Variants in SH3RF3 observed in about 807,000 individuals in gnomAD.
The protein encoded by SH3RF3 is SH3 domain containing ring finger 3, also known as E3 ubiquitin-protein ligase SH3RF3.
SH3RF3 carries 29 observed loss-of-function variants against 66.3 expected under a neutral mutation model. The ratio of observed to expected loss-of-function variants is 0.44; its 90% CI spans 0.33 to 0.60. The LOEUF is 0.60. Ranked by LOEUF, SH3RF3 falls within the 20% of genes least tolerant of loss-of-function variation. The probability of loss-of-function intolerance (pLI) is 0.04; values close to 1 mark genes in which losing one functional copy is unlikely to be tolerated. For missense variants in SH3RF3, 1,194 were observed against 1,190.9 expected (o/e 1.00, Z -0.04); for synonymous variants, 583 against 532.0 (o/e 1.10, Z -1.32).
intron 1 of SH3RF3, among the ~76,000 whole-genome samples, chr2:109,268,857 T>G (rs374981871): frequency 1.1e-4 from 16 of 152,348 alleles, no homozygotes; most frequent in Admixed American, 2.6e-4. Flanking sequence ...GTTGGGTGTA[T>G]TCAATGAATT....
chr2:109,368,298 G>A (rs905669430), intron 2 of SH3RF3, among the ~76,000 whole-genome samples: 1 of 152,022 alleles, frequency 6.6e-6, no homozygotes, highest in African/African-American at 2.4e-5. Flanking sequence ...TTTTGCTGTA[G>A]CCAAATCTTT....
Position 109,474,554 on chromosome 2 carries a change from C to G in SH3RF3, c.2149-16051C>G, listed in dbSNP as rs116765164. Among the ~76,000 whole-genome samples, 1,201 of 152,294 alleles carry G rather than the reference C, an allele frequency of 7.9e-3. 11 individuals are homozygous for G. Among genetic ancestry groups the G allele is most frequent in the Non-Finnish European group, 0.01 (682 of 68,006 alleles). On this transcript the variant is annotated intron_variant, in intron 8 of 9. Coordinates refer to ENST00000309415, the MANE Select transcript of SH3RF3 (RefSeq NM_001099289.3). ...GGCTGGGATTACAGTCCGAACCGCA[C>G]GGGGCTTATAGCCATGGGCACAGTG...
At chr2:109,465,701 C>T (rs895335898) in intron 8 of SH3RF3, among the ~76,000 whole-genome samples, 1 of 152,156 alleles carries the variant, frequency 6.6e-6, no homozygotes, top group Non-Finnish European at 1.5e-5. Flanking sequence ...GCTTTTACTT[C>T]TGGGGAGACC....
chr2:109,245,050 C>G (rs573054434), intron 1 of SH3RF3, among the ~76,000 whole-genome samples: 6 of 152,262 alleles, frequency 3.9e-5, no homozygotes, highest in Non-Finnish European at 7.3e-5. Flanking sequence ...GTCCTGTTGT[C>G]TGGGCAGCCT....
At chr2:109,326,846 G>A (rs549488905) in intron 1 of SH3RF3, among the ~76,000 whole-genome samples, 11 of 152,300 alleles carry the variant, frequency 7.2e-5, no homozygotes, top group South Asian at 4.1e-4. Flanking sequence ...CCGTAGGTGC[G>A]CACAGCCACT....
At chr2:109,458,878 C>A (rs1370806527) in intron 8 of SH3RF3, among the ~76,000 whole-genome samples, 2 of 152,216 alleles carry the variant, frequency 1.3e-5, no homozygotes, top group Non-Finnish European at 2.9e-5. Context: ...ATAGCAACAT[C>A]TAGATTAGTG....
chr2:109,238,302 T>C lies in SH3RF3; in HGVS notation c.573+108189T>C, dbSNP rs1679696112. ...GGATACCAGATGGCAAGTACACTAA[T>C]ATCACTGTATTTTTAAAAATCTTAT... On this transcript the variant is annotated intron_variant, in intron 1 of 9. Coordinates refer to ENST00000309415, the MANE Select transcript of SH3RF3 (RefSeq NM_001099289.3). Among the ~76,000 whole-genome samples the C allele has an allele frequency of 1.3e-5, 2 of 152,218 alleles. 1 individual carries two copies. Among genetic ancestry groups the C allele is most frequent in the African/African-American group, 4.8e-5 (2 of 41,456 alleles).
intron 3 of SH3RF3, among the ~76,000 whole-genome samples, chr2:109,374,053 C>A (rs1002157860): frequency 1.3e-5 from 2 of 152,180 alleles, no homozygotes; most frequent in African/African-American, 4.8e-5. Flanking sequence ...GTCTGAAAAG[C>A]CACCTTAAAG....
chr2:109,139,426 C>A (rs992799498), intron 1 of SH3RF3, among the ~76,000 whole-genome samples: 8 of 152,262 alleles, frequency 5.3e-5, no homozygotes, highest in African/African-American at 1.7e-4. Flanking sequence ...AATGCTCTCA[C>A]ACAGTCACAC....
At chr2:109,496,054 G>A (rs148284121) in intron 9 of SH3RF3, among the ~76,000 whole-genome samples, 17 of 152,178 alleles carry the variant, frequency 1.1e-4, no homozygotes, top group East Asian at 1.9e-4. Flanking sequence ...GGGACCCACC[G>A]GGTTGCCCTG....
chr2:109,462,270 G>C (rs1031358913), intron 8 of SH3RF3, among the ~76,000 whole-genome samples: 1 of 151,366 alleles, frequency 6.6e-6, no homozygotes, highest in Non-Finnish European at 1.5e-5. Context: ...ATCTACCCCT[G>C]AGTTTCATTG....
intron 1 of SH3RF3, among the ~76,000 whole-genome samples, chr2:109,270,471 A>C (rs1680598660): frequency 6.6e-6 from 1 of 152,108 alleles, no homozygotes; most frequent in African/African-American, 2.4e-5. Context: ...CCACTGCCTG[A>C]GCTGGGGCTC....
chr2:109,499,433 C>G (rs1185076719), intron 9 of SH3RF3, among the ~76,000 whole-genome samples: 3 of 152,190 alleles, frequency 2.0e-5, no homozygotes, highest in Admixed American at 1.3e-4. Context: ...GGTCCAACAC[C>G]CTGGTGGCCC....
intron 1 of SH3RF3, among the ~76,000 whole-genome samples, chr2:109,146,032 C>T (rs531996019): frequency 2.0e-4 from 31 of 152,194 alleles, no homozygotes; most frequent in Non-Finnish European, 4.0e-4. Flanking sequence ...TGTGGGCCGA[C>T]GGAGTCCATG....
intron 1 of SH3RF3, among the ~76,000 whole-genome samples, chr2:109,147,209 T>C (rs1162421770): frequency 6.6e-6 from 1 of 152,140 alleles, no homozygotes; most frequent in Non-Finnish European, 1.5e-5. Flanking sequence ...ATGCCTGGAC[T>C]TTCTTGGAAT....
At chr2:109,169,115 C>T (rs1370909287) in intron 1 of SH3RF3, among the ~76,000 whole-genome samples, 1 of 152,124 alleles carries the variant, frequency 6.6e-6, no homozygotes, top group Non-Finnish European at 1.5e-5. Flanking sequence ...AGCAGGATTG[C>T]TGGTAGATTT....
intron 1 of SH3RF3, among the ~76,000 whole-genome samples, chr2:109,174,337 G>A (rs1270076506): frequency 1.3e-5 from 2 of 152,256 alleles, no homozygotes; most frequent in Admixed American, 1.3e-4. Flanking sequence ...TGCTTCCTGT[G>A]TACCAGACTG....
intron 4 of SH3RF3, among the ~76,000 whole-genome samples, chr2:109,417,000 G>A (rs919239055): frequency 6.6e-6 from 1 of 152,196 alleles, no homozygotes; most frequent in Admixed American, 6.5e-5. Flanking sequence ...CCCCATGGGG[G>A]CCCAGGGCCA....
chr2:109,227,339 T>G (rs1403043841), intron 1 of SH3RF3, among the ~76,000 whole-genome samples: 1 of 148,510 alleles, frequency 6.7e-6, no homozygotes, highest in Non-Finnish European at 1.5e-5. Context: ...GTCACAATAC[T>G]AAGGGACTTC....
Sources: gnomAD v4.1 joint callset for allele counts (sites outside exome capture counted in the v4.1 genomes callset) on GRCh38, gnomAD v4.1.1 for gene constraint, MANE v1.5 for transcripts, NCBI Gene and HGNC (gene_info 2026-07-23, HGNC 2026-07-21) for gene names.